SRGAP1: variants seen among roughly 807,000 people sequenced by gnomAD.
SRGAP1 encodes the protein SLIT-ROBO Rho GTPase activating protein 1, also known as SLIT-ROBO Rho GTPase-activating protein 1.
Under a neutral mutation model 121.9 loss-of-function variants are expected in SRGAP1, and 43 were observed. The ratio of observed to expected loss-of-function variants is 0.35; its 90% CI spans 0.28 to 0.46. SRGAP1 has a LOEUF of 0.46. SRGAP1 is among the 20% of genes least tolerant of loss of function. The pLI is 1.00. For synonymous variants in SRGAP1, 447 were observed against 485.4 expected (o/e 0.92, Z 1.04); for missense variants, 1,102 against 1,350.9 (o/e 0.82, Z 2.89).
chr12:63,894,465 C>T (rs1256633903), intron 1 of SRGAP1, among the ~76,000 whole-genome samples: 2 of 151,342 alleles, frequency 1.3e-5, no homozygotes, highest in African/African-American at 2.4e-5. Flanking sequence ...TCAGGTAGCT[C>T]ACTCTCTTTT....
chr12:63,878,245 G>C (rs1900088544), intron 1 of SRGAP1, among the ~76,000 whole-genome samples: 1 of 152,138 alleles, frequency 6.6e-6, no homozygotes, highest in East Asian at 1.9e-4. Flanking sequence ...AAGAGCCAGG[G>C]AGCAAATATT....
At chr12:64,099,655 T>C (rs1039928016) in intron 15 of SRGAP1, among the ~76,000 whole-genome samples, 13 of 152,058 alleles carry the variant, frequency 8.5e-5, no homozygotes, top group African/African-American at 3.1e-4. Context: ...TGGAAAGAAA[T>C]GAAAAGGAGG....
In SRGAP1 at chr12:63,868,056, A is replaced by AT. The variant is rs1219689164; in HGVS notation, c.67+23195dup. 2.3e-3 allele frequency among the ~76,000 whole-genome samples: 132 copies of AT among 57,876 alleles called. 8 individuals carry two copies. Among genetic ancestry groups the AT allele is most frequent in the Non-Finnish European group, 3.0e-3 (93 of 31,354 alleles). The allele number at this position is 57,876 out of a possible 152,430, so 38.0% of individuals were successfully genotyped here. ...TTTCCATATATATATATATATATAT[A>AT]TTTTTTTTTTTTTTTTTTTTTTGTT... On this transcript the variant is annotated intron_variant, in intron 1 of 21. Coordinates refer to ENST00000355086, the MANE Select transcript of SRGAP1 (RefSeq NM_020762.4).
intron 3 of SRGAP1, among the ~76,000 whole-genome samples, chr12:64,012,276 T>C (rs760564314): frequency 6.6e-6 from 1 of 152,178 alleles, no homozygotes; most frequent in Non-Finnish European, 1.5e-5. Flanking sequence ...TCTGGGTTTA[T>C]ACACTGGAGA....
At chr12:64,020,266 G>A (rs1234722828) in intron 4 of SRGAP1, among the ~76,000 whole-genome samples, 1 of 152,124 alleles carries the variant, frequency 6.6e-6, no homozygotes, top group African/African-American at 2.4e-5. Flanking sequence ...TGCAGATGAT[G>A]GGGTAGATAT....
In SRGAP1 at chr12:64,080,148, C is replaced by T. The variant is rs1423016740; in HGVS notation, c.1324-138C>T. 3 of 612,804 alleles carry T rather than the reference C, an allele frequency of 4.9e-6. No homozygotes were observed. The East Asian group carries it at 9.3e-5, about 19-fold the overall frequency. The allele number at this position is 612,804 out of a possible 1,614,324, so 38.0% of individuals were successfully genotyped here. On this transcript the variant is annotated intron_variant, in intron 9 of 21. Coordinates refer to ENST00000355086, the MANE Select transcript of SRGAP1 (RefSeq NM_020762.4). Reference sequence around the variant, plus strand: ...ATCCCAGCTACTCAGGAGGCTGAGGCAGGAGAATCGCTTGAACCCCAGAGG... The same window carrying T: ...ATCCCAGCTACTCAGGAGGCTGAGGTAGGAGAATCGCTTGAACCCCAGAGG...
At chr12:63,970,311 C>T (rs1256922820) in intron 1 of SRGAP1, among the ~76,000 whole-genome samples, 2 of 152,082 alleles carry the variant, frequency 1.3e-5, no homozygotes, top group Non-Finnish European at 2.9e-5. Flanking sequence ...GCACTAAGAG[C>T]TATTTATGCA....
chr12:63,929,484 A>G (rs1004857057), intron 1 of SRGAP1, among the ~76,000 whole-genome samples: 10 of 152,030 alleles, frequency 6.6e-5, no homozygotes, highest in Non-Finnish European at 1.3e-4. Flanking sequence ...ATTTTATAAA[A>G]CAACGATACC....
chr12:64,021,790 A>G (rs1028085516), intron 4 of SRGAP1, among the ~76,000 whole-genome samples: 5 of 152,230 alleles, frequency 3.3e-5, no homozygotes, highest in African/African-American at 7.2e-5. Flanking sequence ...ATGTGGCTCA[A>G]TGGCAACCTG....
rs2037206383 is a variant in SRGAP1, at chr12:64,161,083, T to C, written c.*18411T>C. The C allele has an allele frequency of 1.3e-5, 2 of 152,332 alleles. No homozygotes were observed. Among genetic ancestry groups the C allele is most frequent in the Admixed American group, 1.3e-4 (2 of 15,302 alleles). 9.4% of individuals were successfully genotyped at this position (152,332 alleles called of 1,614,324 possible). A position where few individuals can be genotyped will look rare whatever the true frequency, so the allele number is the denominator to read the frequency against. The stretch of plus-strand genomic sequence containing the variant: ...GACCATTTCAGCCCATCTTACACTT[T>C]GATTCTGGAAAGTCTTCTTTTCCCT... On this transcript the variant is annotated 3_prime_UTR_variant, in exon 22 of 22. Coordinates refer to ENST00000355086, the MANE Select transcript of SRGAP1 (RefSeq NM_020762.4).
At position 63,884,787 on chromosome 12, in the gene SRGAP1, T is replaced by C. The variant is rs535517482; in HGVS notation, c.67+39904T>C. ...CCCAGGCTGGAGTGAAGTGGCGCGA[T>C]CTCGGCTCACTGCAAGCTCCACCCA... is the stretch of plus-strand genomic sequence containing the variant. On this transcript the variant is annotated intron_variant, in intron 1 of 21. Coordinates refer to ENST00000355086, the MANE Select transcript of SRGAP1 (RefSeq NM_020762.4). 1.9e-4 allele frequency among the ~76,000 whole-genome samples: 28 copies of C among 149,526 alleles called. No homozygotes were observed. The East Asian group carries it at 5.4e-3, about 29-fold the overall frequency.
At chr12:63,909,929 C>T (rs894810188) in intron 1 of SRGAP1, among the ~76,000 whole-genome samples, 1 of 152,194 alleles carries the variant, frequency 6.6e-6, no homozygotes, top group African/African-American at 2.4e-5. Flanking sequence ...GGCCCACCCA[C>T]ATTATGGAAG....
intron 17 of SRGAP1, among the ~76,000 whole-genome samples, chr12:64,113,263 C>A (rs1012510719): frequency 2.0e-5 from 3 of 152,118 alleles, no homozygotes; most frequent in Non-Finnish European, 4.4e-5. Context: ...CAAAAATTAG[C>A]CAGGCATGGT....
intron 21 of SRGAP1, among the ~76,000 whole-genome samples, chr12:64,136,628 G>A (rs2036860478): frequency 6.6e-6 from 1 of 152,140 alleles, no homozygotes; most frequent in South Asian, 2.1e-4. Flanking sequence ...AAGAATTTTG[G>A]ATAGCAAATT....
intron 21 of SRGAP1, among the ~76,000 whole-genome samples, chr12:64,133,900 G>C (rs565900004): frequency 1.3e-5 from 2 of 152,218 alleles, no homozygotes; most frequent in South Asian, 2.1e-4. Flanking sequence ...ACACGAGTCA[G>C]ACTATTCTGC....
At chr12:63,935,820 G>A (rs1174543914) in intron 1 of SRGAP1, among the ~76,000 whole-genome samples, 1 of 152,164 alleles carries the variant, frequency 6.6e-6, no homozygotes, top group Non-Finnish European at 1.5e-5. Context: ...AGCAGCAAGT[G>A]TCTTGAGATC....
intron 1 of SRGAP1, among the ~76,000 whole-genome samples, chr12:63,949,433 TTATTATTA>T (rs869143929): frequency 7.3e-6 from 1 of 136,358 alleles, no homozygotes; most frequent in East Asian, 2.0e-4. Context: ...ATTATTATTA[TTATTATTA>T]TTTTGAGACG....
intron 6 of SRGAP1, among the ~76,000 whole-genome samples, chr12:64,050,755 T>C (rs1037569165): frequency 6.6e-6 from 1 of 152,246 alleles, no homozygotes; most frequent in East Asian, 1.9e-4. Context: ...GATGGAATCT[T>C]GCTCTGTTGC....
At position 64,156,942 on chromosome 12, in the gene SRGAP1, C is replaced by A. The variant is rs2037168282; in HGVS notation, c.*14270C>A. The A allele has an allele frequency of 6.6e-6, 1 of 152,088 alleles. No homozygotes were observed. The highest frequency in any genetic ancestry group is 1.5e-5 in the Non-Finnish European group (1 of 68,028). The allele number at this position is 152,088 out of a possible 1,614,324, so 9.4% of individuals were successfully genotyped here. A position where few individuals can be genotyped will look rare whatever the true frequency, so the allele number is the denominator to read the frequency against. Reference sequence around the variant, plus strand: ...GCATAAAATTATCTGACCTGAGAGACCTTAACAGCTAGGCCTGCACTGCTC... The same window carrying A: ...GCATAAAATTATCTGACCTGAGAGAACTTAACAGCTAGGCCTGCACTGCTC... On this transcript the variant is annotated 3_prime_UTR_variant, in exon 22 of 22. Transcript: ENST00000355086.
Sources: allele counts gnomAD v4.1 joint callset (sites outside exome capture counted in the v4.1 genomes callset), GRCh38; gene constraint gnomAD v4.1.1; transcripts MANE v1.5; gene names NCBI Gene and HGNC (gene_info 2026-07-23, HGNC 2026-07-21).